The following EXOC4 variants were observed in gnomAD, a reference collection of about 807,000 sequenced individuals.
EXOC4 encodes the protein exocyst complex component 4, also known as SEC8-like 1.
A neutral mutation model predicts 107.2 loss-of-function variants in EXOC4; 71 were observed. That is an observed-to-expected ratio of 0.66 (90% CI 0.55 to 0.81). The LOEUF (loss-of-function observed/expected upper bound fraction) is 0.81. Ranked by LOEUF, EXOC4 falls within the 30% of genes least tolerant of loss-of-function variation. The probability of loss-of-function intolerance (pLI) is 0.00; values close to 1 mark genes in which losing one functional copy is unlikely to be tolerated. For synonymous variants in EXOC4, 456 were observed against 441.2 expected (o/e 1.03, Z -0.42); for missense variants, 1,108 against 1,189.6 (o/e 0.93, Z 1.01).
At chr7:134,034,797 C>T (rs560295395) in intron 17 of EXOC4, among the ~76,000 whole-genome samples, 2 of 152,216 alleles carry the variant, frequency 1.3e-5, no homozygotes, top group East Asian at 3.9e-4. Flanking sequence ...AAATATAATC[C>T]TTAGCATCAC....
At chr7:133,651,528 T>C (rs1344501912) in intron 10 of EXOC4, among the ~76,000 whole-genome samples, 1 of 152,198 alleles carries the variant, frequency 6.6e-6, no homozygotes, top group Non-Finnish European at 1.5e-5. Context: ...GGATCACTTA[T>C]GATACGGATA....
At chr7:133,929,604 A>T (rs1157500448) in intron 13 of EXOC4, among the ~76,000 whole-genome samples, 1 of 151,966 alleles carries the variant, frequency 6.6e-6, no homozygotes, top group Non-Finnish European at 1.5e-5. Flanking sequence ...AGGGGTGTGT[A>T]TGCAGGTTTG....
intron 7 of EXOC4, among the ~76,000 whole-genome samples, chr7:133,443,079 G>A (rs1024526605): frequency 6.6e-6 from 1 of 152,162 alleles, no homozygotes; most frequent in Non-Finnish European, 1.5e-5. Context: ...TGCTGTGACG[G>A]GAGCCAGGGA....
At position 133,338,748 on chromosome 7, in the gene EXOC4, C is replaced by CTTT. The variant is rs67620822; in HGVS notation, c.764-17562_764-17560dup. Among the ~76,000 whole-genome samples the CTTT allele has an allele frequency of 1.0e-3, 88 of 87,042 alleles. 1 individual carries two copies. Among genetic ancestry groups the CTTT allele is most frequent in the African/African-American group, 3.2e-3 (83 of 25,776 alleles). The allele number at this position is 87,042 out of a possible 152,430, so 57.1% of individuals were successfully genotyped here. A position where few individuals can be genotyped will look rare whatever the true frequency, so the allele number is the denominator to read the frequency against. ...TGTACACGGTACCCAATGGTGTAGT[C>CTTT]TTTTTTTTTTTTTTTTTTTTTTCAG... On this transcript the variant is annotated intron_variant, in intron 5 of 17. Coordinates refer to ENST00000253861, the MANE Select transcript of EXOC4 (RefSeq NM_021807.4).
At chr7:134,070,890 T>C (rs1316306552), downstream of EXOC4, among the ~76,000 whole-genome samples, 1 of 152,192 alleles carries the variant, frequency 6.6e-6, no homozygotes, top group Non-Finnish European at 1.5e-5. Context: ...CAATAGATAC[T>C]CTAGCAGGAA....
At chr7:133,977,764 G>T (rs1003752592) in intron 14 of EXOC4, among the ~76,000 whole-genome samples, 7 of 151,326 alleles carry the variant, frequency 4.6e-5, no homozygotes, top group Admixed American at 3.3e-4. Context: ...GTGTGTGTGT[G>T]TGTTTGTTTG....
At chr7:133,812,730 A>G (rs1239115486) in intron 10 of EXOC4, among the ~76,000 whole-genome samples, 2 of 152,112 alleles carry the variant, frequency 1.3e-5, no homozygotes, top group Admixed American at 6.5e-5. Context: ...TACTTCACAT[A>G]TTTATTTTTT....
At chr7:133,604,853 A>G (rs7797384) in intron 9 of EXOC4, among the ~76,000 whole-genome samples, 3,192 of 150,066 alleles carry the variant, frequency 0.021, 117 homozygotes, top group African/African-American at 0.074. Context: ...CCTCCTGAGT[A>G]GCTGGGATTG....
chr7:133,752,116 G>A (rs1012152893), intron 10 of EXOC4, among the ~76,000 whole-genome samples: 4 of 152,110 alleles, frequency 2.6e-5, no homozygotes, highest in Admixed American at 6.6e-5. Flanking sequence ...AGCTATGATC[G>A]TGCCACTGCA....
intron 7 of EXOC4, among the ~76,000 whole-genome samples, chr7:133,465,823 C>T (rs931243190): frequency 6.6e-6 from 1 of 152,086 alleles, no homozygotes; most frequent in Non-Finnish European, 1.5e-5. Flanking sequence ...CATATGTTTT[C>T]ATCCCAAGAG....
At position 133,823,913 on chromosome 7, in the gene EXOC4, A is replaced by T. The variant is rs1313143551; in HGVS notation, c.1734+6369A>T. Among the ~76,000 whole-genome samples the T allele has an allele frequency of 8.1e-5, 4 of 49,178 alleles. 1 individual carries two copies. Among genetic ancestry groups the T allele is most frequent in the Non-Finnish European group, 1.3e-4 (4 of 30,276 alleles). 32.3% of individuals were successfully genotyped at this position (49,178 alleles called of 152,430 possible). A position where few individuals can be genotyped will look rare whatever the true frequency, so the allele number is the denominator to read the frequency against. On this transcript the variant is annotated intron_variant, in intron 11 of 17. Coordinates refer to ENST00000253861, the MANE Select transcript of EXOC4 (RefSeq NM_021807.4). ...ATATATTTTATATATATATATATAAATATATATATAAATTATATATATATT... is the reference window on the plus strand; with the variant it reads ...ATATATTTTATATATATATATATAATTATATATATAAATTATATATATATT...
intron 9 of EXOC4, among the ~76,000 whole-genome samples, chr7:133,616,563 G>C (rs1802199763): frequency 6.6e-6 from 1 of 152,052 alleles, no homozygotes; most frequent in Admixed American, 6.6e-5. Context: ...GCACAGACCT[G>C]TCATGAATTT....
At chr7:133,672,930 C>T (rs914724865) in intron 10 of EXOC4, among the ~76,000 whole-genome samples, 1 of 152,140 alleles carries the variant, frequency 6.6e-6, no homozygotes, top group Non-Finnish European at 1.5e-5. Context: ...ATGGGTTACT[C>T]GATTAGCCTT....
chr7:133,389,978 A>G (rs1423867033), intron 7 of EXOC4, among the ~76,000 whole-genome samples: 1 of 152,004 alleles, frequency 6.6e-6, no homozygotes. Context: ...CTATCATGAG[A>G]ACAGCACAGG....
the EXOC4 span, among the ~76,000 whole-genome samples, chr7:134,073,230 A>AAAC: frequency 1.0e-3 from 19 of 18,428 alleles, no homozygotes; most frequent in Admixed American, 0.013. Flanking sequence ...AAAAAAAAAA[A>AAAC]AACAACAAAG....
chr7:133,854,177 G>A (rs1474708601), intron 11 of EXOC4, among the ~76,000 whole-genome samples: 3 of 152,072 alleles, frequency 2.0e-5, no homozygotes, highest in Non-Finnish European at 4.4e-5. Flanking sequence ...TAACACATCA[G>A]TAGCATCACT....
At chr7:134,100,525 G>A in the EXOC4 span, among the ~76,000 whole-genome samples, 2 of 128,490 alleles carry the variant, frequency 1.6e-5, no homozygotes, top group East Asian at 2.1e-4. Context: ...ACTGGGGTAA[G>A]AATATGTATT....
intron 11 of EXOC4, among the ~76,000 whole-genome samples, chr7:133,834,372 A>G (rs1406093115): frequency 6.6e-6 from 1 of 152,062 alleles, no homozygotes; most frequent in African/African-American, 2.4e-5. Context: ...TGCCCACCTT[A>G]TCTTAAAAAA....
chr7:133,986,844 G>C (rs940871650), intron 14 of EXOC4, among the ~76,000 whole-genome samples: 3 of 152,126 alleles, frequency 2.0e-5, no homozygotes, highest in Admixed American at 6.6e-5. Flanking sequence ...CTTGGAACTG[G>C]AGTATTATGG....
Sources: gnomAD v4.1 joint callset for allele counts (sites outside exome capture counted in the v4.1 genomes callset) on GRCh38, gnomAD v4.1.1 for gene constraint, MANE v1.5 for transcripts, NCBI Gene and HGNC (gene_info 2026-07-23, HGNC 2026-07-21) for gene names.